The following JAZF1 variants were observed in gnomAD, a reference collection of about 807,000 sequenced individuals.
JAZF1 encodes JAZF zinc finger 1.
In JAZF1, 8 loss-of-function variants were observed where a neutral mutation model predicts 26.4. That is an observed-to-expected ratio of 0.30 (90% CI 0.18 to 0.55). JAZF1 has a LOEUF of 0.55. Ranked by LOEUF, JAZF1 falls within the 20% of genes least tolerant of loss-of-function variation. The pLI, the probability that JAZF1 is intolerant of heterozygous loss-of-function variation, is 0.94. For synonymous variants in JAZF1, 126 were observed against 122.3 expected, an observed-to-expected ratio of 1.03 and a Z score of -0.20; for missense variants, 199 against 322.0, an observed-to-expected ratio of 0.62 and a Z score of 2.92.
At chr7:28,048,092 C>T (rs989200829) in intron 1 of JAZF1, among the ~76,000 whole-genome samples, 1 of 152,098 alleles carries the variant, frequency 6.6e-6, no homozygotes, top group Admixed American at 6.5e-5. Flanking sequence ...TTAGAATGAA[C>T]GGTGCATGGA....
intron 1 of JAZF1, among the ~76,000 whole-genome samples, chr7:28,030,605 T>A (rs1486541658): frequency 6.6e-6 from 1 of 152,224 alleles, no homozygotes; most frequent in African/African-American, 2.4e-5. Flanking sequence ...TTGCTTTATC[T>A]ATTTGTCAGA....
intron 1 of JAZF1, among the ~76,000 whole-genome samples, chr7:28,083,479 T>A (rs1025398211): frequency 2.0e-5 from 3 of 152,286 alleles, no homozygotes; most frequent in Middle Eastern, 3.4e-3. Flanking sequence ...ACAGCTCACA[T>A]GCTATGTGAA....
At chr7:28,142,218 G>A (rs779812756) in intron 1 of JAZF1, among the ~76,000 whole-genome samples, 30 of 152,272 alleles carry the variant, frequency 2.0e-4, no homozygotes, top group Middle Eastern at 6.8e-3. Context: ...GGAGCTCAGT[G>A]AAATTCCTGG....
chr7:27,860,993 C>T (rs1226800189), intron 3 of JAZF1, among the ~76,000 whole-genome samples: 1 of 152,216 alleles, frequency 6.6e-6, no homozygotes, highest in African/African-American at 2.4e-5. Flanking sequence ...CAGCAGTTCC[C>T]TTTTCCTCTC....
chr7:27,963,562 C>CA (rs1785220504), intron 2 of JAZF1, among the ~76,000 whole-genome samples: 2 of 103,708 alleles, frequency 1.9e-5, no homozygotes, highest in Non-Finnish European at 3.7e-5. Context: ...TGCAATTCCC[C>CA]CCCCCCCTTT....
At chr7:27,900,839 G>A (rs1297661049) in intron 2 of JAZF1, among the ~76,000 whole-genome samples, 2 of 152,000 alleles carry the variant, frequency 1.3e-5, no homozygotes, top group Non-Finnish European at 2.9e-5. Context: ...TGAAATAAAG[G>A]TATTTTTTAA....
intron 2 of JAZF1, among the ~76,000 whole-genome samples, chr7:27,980,339 T>G (rs906508048): frequency 6.6e-5 from 10 of 152,222 alleles, no homozygotes; most frequent in East Asian, 1.9e-4. Context: ...TGATGTCCAT[T>G]AAGTCATTAA....
chr7:27,971,391 G>T (rs370625082), intron 2 of JAZF1, among the ~76,000 whole-genome samples: 5 of 152,184 alleles, frequency 3.3e-5, no homozygotes, highest in East Asian at 3.8e-4. Context: ...CAACGGGCAA[G>T]GTCTTGGCCA....
At chr7:28,121,581 G>A (rs910807582) in intron 1 of JAZF1, among the ~76,000 whole-genome samples, 10 of 152,156 alleles carry the variant, frequency 6.6e-5, no homozygotes, top group Non-Finnish European at 1.3e-4. Flanking sequence ...CCACCCCTGT[G>A]CTCACTGAAA....
intron 3 of JAZF1, among the ~76,000 whole-genome samples, chr7:27,870,728 C>T (rs1218149048): frequency 6.6e-6 from 1 of 152,094 alleles, no homozygotes; most frequent in Non-Finnish European, 1.5e-5. Flanking sequence ...CTAGTGGCTG[C>T]CCAGGTCAAA....
intron 3 of JAZF1, among the ~76,000 whole-genome samples, chr7:27,877,390 G>A (rs998681917): frequency 1.3e-5 from 2 of 152,184 alleles, no homozygotes; most frequent in African/African-American, 2.4e-5. Flanking sequence ...ATAACGGTCT[G>A]AACGGGGTAT....
chr7:28,151,752 T>C (rs1375487339), intron 1 of JAZF1, among the ~76,000 whole-genome samples: 1 of 151,836 alleles, frequency 6.6e-6, no homozygotes, highest in Non-Finnish European at 1.5e-5. Context: ...GATCATGCCA[T>C]TGCACTCCAG....
intron 1 of JAZF1, among the ~76,000 whole-genome samples, chr7:28,019,289 G>C (rs1336950265): frequency 6.6e-6 from 1 of 152,118 alleles, no homozygotes; most frequent in African/African-American, 2.4e-5. Flanking sequence ...TGTCCTCCTT[G>C]GACCAGACCA....
intron 1 of JAZF1, among the ~76,000 whole-genome samples, chr7:28,064,813 G>C (rs1050539949): frequency 6.6e-6 from 1 of 152,096 alleles, no homozygotes; most frequent in African/African-American, 2.4e-5. Context: ...TACAATTTCA[G>C]AGGCACTAGA....
In JAZF1 at chr7:28,164,890, C is replaced by T. The variant is rs149595778; in HGVS notation, c.115+15573G>A. Among the ~76,000 whole-genome samples the T allele has an allele frequency of 2.0e-4, 30 of 152,306 alleles. No individual in the cohort carries two copies. The East Asian group carries it at 2.9e-3, about 15-fold the overall frequency. ...ATTATTTTTAATACAACACACTTGGCTCGGCATGTGGCTCACATCTGTAAT... is the reference window on the plus strand; with the variant it reads ...ATTATTTTTAATACAACACACTTGGTTCGGCATGTGGCTCACATCTGTAAT... On this transcript the variant is annotated intron_variant, in intron 1 of 4. Transcript: ENST00000283928.
intron 2 of JAZF1, among the ~76,000 whole-genome samples, chr7:27,959,230 G>A (rs1785150106): frequency 6.6e-6 from 1 of 152,030 alleles, no homozygotes; most frequent in Non-Finnish European, 1.5e-5. Context: ...TATGATCAGG[G>A]TTCCCTGAAC....
At chr7:27,968,952 A>G (rs1027727004) in intron 2 of JAZF1, among the ~76,000 whole-genome samples, 2 of 152,202 alleles carry the variant, frequency 1.3e-5, no homozygotes, top group African/African-American at 4.8e-5. Context: ...TTGTACGAAT[A>G]ATAGATAGTA....
At chr7:28,046,015 A>G (rs1246036090) in intron 1 of JAZF1, among the ~76,000 whole-genome samples, 1 of 152,204 alleles carries the variant, frequency 6.6e-6, no homozygotes, top group African/African-American at 2.4e-5. Flanking sequence ...AGTATCCTTA[A>G]TCTCCCACTA....
chr7:28,007,857 G>C (rs1186789995), intron 1 of JAZF1, among the ~76,000 whole-genome samples: 1 of 152,152 alleles, frequency 6.6e-6, no homozygotes, highest in Non-Finnish European at 1.5e-5. Context: ...CCCCATGCAT[G>C]GCCTCTCCCA....
Sources: allele counts gnomAD v4.1 joint callset (sites outside exome capture counted in the v4.1 genomes callset), GRCh38; gene constraint gnomAD v4.1.1; transcripts MANE v1.5; gene names NCBI Gene and HGNC (gene_info 2026-07-23, HGNC 2026-07-21).